Variants in GPC6 observed in about 807,000 individuals in gnomAD.
GPC6 encodes glypican 6, also known as glypican-6.
A neutral mutation model predicts 55.2 loss-of-function variants in GPC6; 14 were observed. That is an observed-to-expected ratio of 0.25 (90% CI 0.17 to 0.40). GPC6 has a LOEUF of 0.40. Ranked by LOEUF, GPC6 falls within the 10% of genes least tolerant of loss-of-function variation. GPC6 has a pLI of 1.00. For synonymous variants in GPC6, 278 were observed against 259.6 expected, an observed-to-expected ratio of 1.07 and a Z score of -0.68; for missense variants, 641 against 708.5, an observed-to-expected ratio of 0.90 and a Z score of 1.08.
chr13:94,248,626 C>CA (rs1387360444), intron 4 of GPC6, among the ~76,000 whole-genome samples: 1 of 151,372 alleles, frequency 6.6e-6, no homozygotes, highest in African/African-American at 2.4e-5. Flanking sequence ...CTCTAGTCAC[C>CA]AAAAAAATTT....
intron 1 of GPC6, among the ~76,000 whole-genome samples, chr13:93,261,938 A>T (rs1467190221): frequency 1.4e-5 from 2 of 145,124 alleles, no homozygotes; most frequent in Non-Finnish European, 3.1e-5. Flanking sequence ...ACACACACAC[A>T]CACACACACA....
chr13:93,530,158 G>C (rs1254845230), intron 1 of GPC6, among the ~76,000 whole-genome samples: 2 of 152,164 alleles, frequency 1.3e-5, no homozygotes, highest in African/African-American at 4.8e-5. Flanking sequence ...TAGAGTAACA[G>C]CTTCCTACTT....
intron 2 of GPC6, among the ~76,000 whole-genome samples, chr13:93,795,375 T>A (rs184431042): frequency 6.6e-6 from 1 of 152,346 alleles, no homozygotes; most frequent in Admixed American, 6.5e-5. Context: ...ACAAACATTA[T>A]CAATTTGTTC....
intron 3 of GPC6, among the ~76,000 whole-genome samples, chr13:93,944,452 C>G (rs541328110): frequency 0.024 from 3,663 of 152,286 alleles, 57 homozygotes; most frequent in Middle Eastern, 0.051. Context: ...GATCCGCCCG[C>G]CTCGGCCTCC....
intron 3 of GPC6, among the ~76,000 whole-genome samples, chr13:94,026,308 A>G (rs573930931): frequency 6.6e-6 from 1 of 152,258 alleles, no homozygotes; most frequent in African/African-American, 2.4e-5. Context: ...AATCATAGAG[A>G]AATAGCTATA....
chr13:93,291,990 T>C (rs974982668), intron 1 of GPC6, among the ~76,000 whole-genome samples: 4 of 152,202 alleles, frequency 2.6e-5, no homozygotes, highest in African/African-American at 9.6e-5. Flanking sequence ...TGCTACAGTA[T>C]AGCATTTAAT....
chr13:93,960,741 G>A (rs1483494559), intron 3 of GPC6, among the ~76,000 whole-genome samples: 2 of 151,530 alleles, frequency 1.3e-5, no homozygotes, highest in African/African-American at 4.9e-5. Flanking sequence ...TGAAGCCACT[G>A]CTGTATTCAT....
chr13:93,382,532 A>G (rs1875224090), intron 1 of GPC6, among the ~76,000 whole-genome samples: 1 of 152,186 alleles, frequency 6.6e-6, no homozygotes, highest in Non-Finnish European at 1.5e-5. Context: ...TTCTATGAGA[A>G]TATCATTGGC....
chr13:94,324,634 C>T (rs7327943), intron 6 of GPC6, among the ~76,000 whole-genome samples: 17,561 of 151,442 alleles, frequency 0.12, 2,485 homozygotes, highest in African/African-American at 0.34. Flanking sequence ...TTAAGACTTA[C>T]GGCACAAAGA....
At chr13:94,029,389 T>A (rs1025906636) in intron 4 of GPC6, among the ~76,000 whole-genome samples, 3 of 152,228 alleles carry the variant, frequency 2.0e-5, no homozygotes, top group Non-Finnish European at 4.4e-5. Flanking sequence ...CAAAATGACA[T>A]GATTCTTTAC....
At chr13:94,121,769 C>G (rs9989088) in intron 4 of GPC6, among the ~76,000 whole-genome samples, 4,800 of 152,124 alleles carry the variant, frequency 0.032, 278 homozygotes, top group African/African-American at 0.11. Context: ...TCCTCTTAAT[C>G]TTAAAATAGA....
chr13:93,994,089 T>G (rs1881430882), intron 3 of GPC6, among the ~76,000 whole-genome samples: 1 of 152,178 alleles, frequency 6.6e-6, no homozygotes, highest in Non-Finnish European at 1.5e-5. Flanking sequence ...AAAGCTTTTA[T>G]TTTAAGAATT....
intron 1 of GPC6, among the ~76,000 whole-genome samples, chr13:93,276,904 T>C (rs77468740): frequency 0.034 from 5,221 of 152,266 alleles, 154 homozygotes; most frequent in Middle Eastern, 0.088. Context: ...TTGCAAAGAA[T>C]TTCTATTTTC....
intron 1 of GPC6, among the ~76,000 whole-genome samples, chr13:93,454,222 G>A (rs9556293): frequency 0.62 from 90,625 of 146,354 alleles, 28,807 homozygotes; most frequent in Middle Eastern, 0.75. Flanking sequence ...GTGTATTTAC[G>A]ATCCCTGAGC....
At chr13:93,782,156 C>G (rs1885671916) in intron 2 of GPC6, among the ~76,000 whole-genome samples, 1 of 152,064 alleles carries the variant, frequency 6.6e-6, no homozygotes, top group African/African-American at 2.4e-5. Flanking sequence ...TTTTTAGATT[C>G]CATGTATGTG....
chr13:93,427,582 T>C (rs1437574976), intron 1 of GPC6, among the ~76,000 whole-genome samples: 1 of 152,208 alleles, frequency 6.6e-6, no homozygotes, highest in Non-Finnish European at 1.5e-5. Flanking sequence ...GTGTTTTCAA[T>C]GTGATGTTTC....
intron 7 of GPC6, among the ~76,000 whole-genome samples, chr13:94,387,323 AT>A (rs1228825684): frequency 1.3e-5 from 2 of 152,182 alleles, no homozygotes; most frequent in African/African-American, 4.8e-5. Flanking sequence ...ATGGGAGGAA[AT>A]TGCAAGTGTG....
intron 3 of GPC6, among the ~76,000 whole-genome samples, chr13:93,993,557 A>G (rs1881408402): frequency 6.6e-6 from 1 of 151,988 alleles, no homozygotes; most frequent in Non-Finnish European, 1.5e-5. Flanking sequence ...CAGCCTCCCA[A>G]AGTGCTGAGA....
intron 2 of GPC6, among the ~76,000 whole-genome samples, chr13:93,792,433 C>T (rs757372169): frequency 2.6e-5 from 4 of 152,244 alleles, no homozygotes; most frequent in Non-Finnish European, 4.4e-5. Context: ...GCCTCAGCCT[C>T]TGGGGTAGCT....
Sources: allele counts gnomAD v4.1 joint callset (sites outside exome capture counted in the v4.1 genomes callset), GRCh38; gene constraint gnomAD v4.1.1; transcripts MANE v1.5; gene names NCBI Gene and HGNC (gene_info 2026-07-23, HGNC 2026-07-21).